The following MDGA2 variants were observed in gnomAD, a reference collection of about 807,000 sequenced individuals.
MDGA2 encodes MAM domain containing glycosylphosphatidylinositol anchor 2, also known as MAM domain-containing glycosylphosphatidylinositol anchor protein 2.
Under a neutral mutation model 117.8 loss-of-function variants are expected in MDGA2, and 40 were observed. The ratio of observed to expected loss-of-function variants is 0.34; its 90% confidence interval spans 0.26 to 0.44. MDGA2 has a LOEUF of 0.44. MDGA2 is among the 20% of genes least tolerant of loss of function. The pLI is 1.00. For missense variants in MDGA2, 1,123 were observed against 1,250.6 expected (o/e 0.90, Z 1.54); for synonymous variants, 452 against 439.0 (o/e 1.03, Z -0.37).
At chr14:46,885,581 T>C (rs1882643118) in intron 10 of MDGA2, among the ~76,000 whole-genome samples, 1 of 152,166 alleles carries the variant, frequency 6.6e-6, no homozygotes, top group African/African-American at 2.4e-5. Flanking sequence ...TTTGTATAGA[T>C]GTAAAACAAT....
chr14:47,264,586 CT>C lies in MDGA2; in HGVS notation c.420+36824del, dbSNP rs563905346. Among the ~76,000 whole-genome samples, 141 of 152,134 alleles carry C rather than the reference CT, an allele frequency of 9.3e-4. 1 individual carries two copies. The highest frequency in any genetic ancestry group is 3.1e-3 in the African/African-American group (129 of 41,518). On this transcript the variant is annotated intron_variant, in intron 2 of 16. Coordinates refer to ENST00000399232, the MANE Select transcript of MDGA2 (RefSeq NM_001113498.3). ...TAAAATATTTTCTTAGTAATTAGGG[CT>C]TTTCACTCTGTTGACTCTAGTCAAT...
chr14:47,623,939 C>T (rs1313412377), intron 1 of MDGA2, among the ~76,000 whole-genome samples: 1 of 152,132 alleles, frequency 6.6e-6, no homozygotes, highest in African/African-American at 2.4e-5. Flanking sequence ...AACCAAAGAA[C>T]AATGGCCGAC....
At chr14:47,498,440 A>C (rs17118801) in intron 1 of MDGA2, among the ~76,000 whole-genome samples, 16,450 of 152,136 alleles carry the variant, frequency 0.11, 998 homozygotes, top group Middle Eastern at 0.15. Flanking sequence ...GCAGGCATAG[A>C]AGATCTTGAT....
chr14:47,428,223 T>A (rs1386995763), intron 1 of MDGA2, among the ~76,000 whole-genome samples: 1 of 152,194 alleles, frequency 6.6e-6, no homozygotes, highest in Non-Finnish European at 1.5e-5. Context: ...TGAATAAGGA[T>A]AATTACTCTG....
At chr14:47,171,065 T>C (rs1594690588) in intron 3 of MDGA2, among the ~76,000 whole-genome samples, 1 of 152,162 alleles carries the variant, frequency 6.6e-6, no homozygotes, top group African/African-American at 2.4e-5. Flanking sequence ...AGTAAAGTCA[T>C]ATACTCATAA....
At chr14:47,045,533 A>T (rs1286548365) in intron 7 of MDGA2, among the ~76,000 whole-genome samples, 1 of 152,152 alleles carries the variant, frequency 6.6e-6, no homozygotes, top group African/African-American at 2.4e-5. Context: ...TTTTTCTGAA[A>T]CAACTAAGTA....
At chr14:47,519,294 T>G (rs777087878) in intron 1 of MDGA2, among the ~76,000 whole-genome samples, 2 of 152,220 alleles carry the variant, frequency 1.3e-5, no homozygotes, top group Non-Finnish European at 2.9e-5. Flanking sequence ...ATTTTATATT[T>G]CATGCATACC....
intron 5 of MDGA2, among the ~76,000 whole-genome samples, chr14:47,116,191 G>T (rs1023033503): frequency 1.9e-4 from 29 of 151,878 alleles, no homozygotes; most frequent in Non-Finnish European, 3.7e-4. Flanking sequence ...AAATACCTGG[G>T]AATAAGCTTA....
At chr14:46,976,442 T>G (rs1184875645) in intron 8 of MDGA2, among the ~76,000 whole-genome samples, 9 of 152,076 alleles carry the variant, frequency 5.9e-5, no homozygotes, top group Non-Finnish European at 1.5e-5. Context: ...CTATTTGATG[T>G]GACTTCATAC....
chr14:47,372,876 G>C (rs920593727), intron 1 of MDGA2, among the ~76,000 whole-genome samples: 3 of 151,798 alleles, frequency 2.0e-5, no homozygotes, highest in Non-Finnish European at 4.4e-5. Context: ...TAATTTTATG[G>C]AATGCTGTGT....
At chr14:46,856,775 A>AT (rs1322079701) in intron 14 of MDGA2, among the ~76,000 whole-genome samples, 27 of 151,530 alleles carry the variant, frequency 1.8e-4, no homozygotes, top group East Asian at 1.4e-3. Context: ...TCAGGAACTG[A>AT]TTTTTTTCAG....
At chr14:47,586,676 T>C (rs1195495209) in intron 1 of MDGA2, among the ~76,000 whole-genome samples, 3 of 151,890 alleles carry the variant, frequency 2.0e-5, no homozygotes, top group African/African-American at 7.2e-5. Context: ...CTAGGGTATG[T>C]CTGTCCCCAA....
chr14:47,620,818 T>C (rs1897036557), intron 1 of MDGA2, among the ~76,000 whole-genome samples: 2 of 152,186 alleles, frequency 1.3e-5, no homozygotes, highest in Non-Finnish European at 2.9e-5. Context: ...GGTATCTGTG[T>C]TCACCGTGAC....
intron 1 of MDGA2, among the ~76,000 whole-genome samples, chr14:47,508,414 T>C (rs538925746): frequency 8.6e-5 from 13 of 151,448 alleles, no homozygotes; most frequent in African/African-American, 2.9e-4. Context: ...CAGTAGTTTT[T>C]CTGAATTTTT....
chr14:47,320,494 C>G (rs1344229366), intron 1 of MDGA2, among the ~76,000 whole-genome samples: 1 of 152,068 alleles, frequency 6.6e-6, no homozygotes, highest in African/African-American at 2.4e-5. Flanking sequence ...TGATAGCATC[C>G]GATACATCTA....
At chr14:47,117,511 C>G (rs979325572) in intron 5 of MDGA2, among the ~76,000 whole-genome samples, 6 of 152,016 alleles carry the variant, frequency 3.9e-5, no homozygotes, top group African/African-American at 1.5e-4. Flanking sequence ...AAATGTGCAT[C>G]AACTGATGAA....
intron 1 of MDGA2, among the ~76,000 whole-genome samples, chr14:47,578,654 T>G (rs867384711): frequency 4.6e-5 from 7 of 152,204 alleles, no homozygotes; most frequent in African/African-American, 1.7e-4. Context: ...TTAATATTTT[T>G]CTTTTTAATT....
At chr14:47,469,692 T>C (rs1377104886) in intron 1 of MDGA2, among the ~76,000 whole-genome samples, 1 of 152,104 alleles carries the variant, frequency 6.6e-6, no homozygotes, top group Non-Finnish European at 1.5e-5. Context: ...CTGGGTCAAA[T>C]GGTATTTTTA....
At chr14:46,862,532 AT>A (rs1362387698) in intron 14 of MDGA2, among the ~76,000 whole-genome samples, 1 of 151,078 alleles carries the variant, frequency 6.6e-6, no homozygotes, top group Non-Finnish European at 1.5e-5. Context: ...TATGTATTAT[AT>A]ATTTTAGATA....
Sources: allele counts gnomAD v4.1 joint callset (sites outside exome capture counted in the v4.1 genomes callset), GRCh38; gene constraint gnomAD v4.1.1; transcripts MANE v1.5; gene names NCBI Gene and HGNC (gene_info 2026-07-23, HGNC 2026-07-21).